The following STIM1 variants were observed in gnomAD, a reference collection of about 807,000 sequenced individuals.
The protein encoded by STIM1 is stromal interaction molecule 1.
Under a neutral mutation model 74.7 loss-of-function variants are expected in STIM1, and 25 were observed. That is an observed-to-expected ratio of 0.33 (90% CI 0.24 to 0.47). The LOEUF (loss-of-function observed/expected upper bound fraction) is 0.47. STIM1 is among the 20% of genes least tolerant of loss of function. The pLI is 1.00. For missense variants in STIM1, 728 were observed against 920.8 expected (o/e 0.79, Z 2.71); for synonymous variants, 328 against 348.8 (o/e 0.94, Z 0.66).
chr11:4,047,036 G>C (rs1479466393), intron 3 of STIM1, among the ~76,000 whole-genome samples: 1 of 152,176 alleles, frequency 6.6e-6, no homozygotes, highest in African/African-American at 2.4e-5. Flanking sequence ...TGTTGTTGTT[G>C]TTTTGAGGCC....
intron 1 of STIM1, among the ~76,000 whole-genome samples, chr11:3,869,626 G>T (rs2135258619): frequency 6.6e-6 from 1 of 152,348 alleles, no homozygotes; most frequent in East Asian, 1.9e-4. Context: ...AGTGGTAGCT[G>T]TGCCAGAGAG....
intron 2 of STIM1, among the ~76,000 whole-genome samples, chr11:4,003,738 G>T (rs1026209274): frequency 6.6e-6 from 1 of 152,126 alleles, no homozygotes; most frequent in African/African-American, 2.4e-5. Context: ...TTCTGGCCAG[G>T]GCAACTAGGC....
At chr11:4,005,389 C>A (rs369234260) in intron 2 of STIM1, among the ~76,000 whole-genome samples, 2 of 152,200 alleles carry the variant, frequency 1.3e-5, no homozygotes, top group East Asian at 1.9e-4. Flanking sequence ...TACACCATGG[C>A]ATACTATGCA....
At chr11:4,071,590 T>C (rs1389758109) in intron 6 of STIM1, among the ~76,000 whole-genome samples, 1 of 152,180 alleles carries the variant, frequency 6.6e-6, no homozygotes, top group Non-Finnish European at 1.5e-5. Flanking sequence ...GAGGTCTACC[T>C]CAGCCTCCCA....
At chr11:3,930,842 T>C (rs2092850968) in intron 1 of STIM1, among the ~76,000 whole-genome samples, 1 of 152,234 alleles carries the variant, frequency 6.6e-6, no homozygotes, top group African/African-American at 2.4e-5. Context: ...GCAGACAGTT[T>C]TGAATCTCCA....
At chr11:4,014,657 G>C (rs2093877896) in intron 2 of STIM1, among the ~76,000 whole-genome samples, 2 of 152,144 alleles carry the variant, frequency 1.3e-5, no homozygotes, top group Admixed American at 1.3e-4. Context: ...GGGTGTTAAA[G>C]TCTCCCATTA....
chr11:3,946,248 C>A (rs1160632983), intron 1 of STIM1, among the ~76,000 whole-genome samples: 1 of 152,100 alleles, frequency 6.6e-6, no homozygotes, highest in African/African-American at 2.4e-5. Context: ...TCTCTACACC[C>A]CAGTTTTCAT....
At chr11:3,928,535 G>A (rs1402185580) in intron 1 of STIM1, among the ~76,000 whole-genome samples, 1 of 151,986 alleles carries the variant, frequency 6.6e-6, no homozygotes, top group Non-Finnish European at 1.5e-5. Context: ...CTGCTATTCT[G>A]TTTTTTAAAC....
At chr11:4,025,499 T>C (rs2093991569) in intron 3 of STIM1, among the ~76,000 whole-genome samples, 1 of 152,160 alleles carries the variant, frequency 6.6e-6, no homozygotes, top group Admixed American at 6.5e-5. Context: ...GCTTTGGAAC[T>C]ATACCAGCGG....
chr11:3,996,020 A>G (rs2093660428), intron 2 of STIM1, among the ~76,000 whole-genome samples: 1 of 152,072 alleles, frequency 6.6e-6, no homozygotes. Flanking sequence ...TATATCTCCA[A>G]TGAATCTGCT....
At chr11:3,967,370 G>C (rs955764725) in intron 1 of STIM1, among the ~76,000 whole-genome samples, 182 bp from the exon 2 acceptor site, 4 of 152,178 alleles carry the variant, frequency 2.6e-5, no homozygotes, top group Admixed American at 1.3e-4. Context: ...TTGTGGGGGA[G>C]CTCAGCATTT....
intron 3 of STIM1, among the ~76,000 whole-genome samples, chr11:4,027,902 G>C (rs1219144697): frequency 6.6e-6 from 1 of 152,112 alleles, no homozygotes; most frequent in African/African-American, 2.4e-5. Context: ...ATTACTGCTT[G>C]CATATTTGAG....
At chr11:3,962,420 ATTC>A (rs2093296340) in intron 1 of STIM1, among the ~76,000 whole-genome samples, 1 of 149,434 alleles carries the variant, frequency 6.7e-6, no homozygotes, top group East Asian at 2.0e-4. Flanking sequence ...ACATGATTTC[ATTC>A]TTCTTTTATG....
chr11:3,961,083 G>A (rs2093280294), intron 1 of STIM1, among the ~76,000 whole-genome samples: 1 of 151,830 alleles, frequency 6.6e-6, no homozygotes, highest in South Asian at 2.1e-4. Context: ...GCTCATTGCA[G>A]CTTCAACATC....
At position 3,866,228 on chromosome 11, in the gene STIM1, G is replaced by A. The variant is rs147771225; in HGVS notation, c.139+9819G>A. On this transcript the variant is annotated intron_variant, in intron 1 of 12. Coordinates refer to ENST00000526596, the MANE Select transcript of STIM1 (RefSeq NM_001382567.1). Reference sequence around the variant, plus strand: ...CTGCTTCACTTTTGTTTTTACTTATGTCATTTAACTTCCTTCAGAATGTCT... The same window carrying A: ...CTGCTTCACTTTTGTTTTTACTTATATCATTTAACTTCCTTCAGAATGTCT... Among the ~76,000 whole-genome samples the A allele has an allele frequency of 3.0e-3, 449 of 152,066 alleles. 9 individuals are homozygous for A. Among genetic ancestry groups the A allele is most frequent in the Non-Finnish European group, 2.5e-4 (17 of 67,974 alleles).
chr11:4,069,394 G>A (rs1002798946), intron 5 of STIM1, among the ~76,000 whole-genome samples: 1 of 152,058 alleles, frequency 6.6e-6, no homozygotes, highest in Non-Finnish European at 1.5e-5. Flanking sequence ...TTTCTGGTAG[G>A]TATAATGTCT....
At chr11:3,865,696 C>T (rs532770488) in intron 1 of STIM1, among the ~76,000 whole-genome samples, 1 of 152,246 alleles carries the variant, frequency 6.6e-6, no homozygotes, top group East Asian at 1.9e-4. Context: ...AGGTCAGAGC[C>T]TTATGTTGTA....
chr11:3,979,414 C>T (rs550929183), intron 2 of STIM1, among the ~76,000 whole-genome samples: 7 of 152,154 alleles, frequency 4.6e-5, no homozygotes, highest in Non-Finnish European at 2.9e-5. Context: ...TCTTTAAATC[C>T]GATTTTAGCC....
chr11:3,969,802 A>T (rs2135744814), intron 2 of STIM1, among the ~76,000 whole-genome samples: 1 of 152,346 alleles, frequency 6.6e-6, no homozygotes. Context: ...ATACTTGTTG[A>T]ACCAGGCAAC....
Sources: allele counts gnomAD v4.1 joint callset (sites outside exome capture counted in the v4.1 genomes callset), GRCh38; gene constraint gnomAD v4.1.1; transcripts MANE v1.5; gene names NCBI Gene and HGNC (gene_info 2026-07-23, HGNC 2026-07-21).